The following LRRC7 variants were observed in gnomAD, a reference collection of about 807,000 sequenced individuals.
The protein encoded by LRRC7 is leucine-rich repeat-containing protein 7.
A neutral mutation model predicts 175.7 loss-of-function variants in LRRC7; 23 were observed. That is an observed-to-expected ratio of 0.13 (90% confidence interval 0.09 to 0.19). The LOEUF is 0.19. Among genes scored for constraint, LRRC7 ranks in the 10% least tolerant of loss-of-function variants. The pLI is 1.00. For missense variants in LRRC7, 1,354 were observed against 1,904.7 expected (o/e 0.71, Z 5.38); for synonymous variants, 685 against 680.9 (o/e 1.01, Z -0.09).
chr1:69,798,964 A>AT (rs1042110947), intron 4 of LRRC7, among the ~76,000 whole-genome samples: 1 of 150,984 alleles, frequency 6.6e-6, no homozygotes. Context: ...TGAAGTTGGC[A>AT]TTTTTTTTCT....
At chr1:69,677,690 T>G (rs191448541) in intron 1 of LRRC7, among the ~76,000 whole-genome samples, 9 of 152,276 alleles carry the variant, frequency 5.9e-5, no homozygotes, top group Middle Eastern at 3.4e-3. Flanking sequence ...TTCTGAATGA[T>G]GACCTTAGTT....
intron 7 of LRRC7, among the ~76,000 whole-genome samples, chr1:69,898,677 G>GCTT (rs1265525513): frequency 6.6e-5 from 10 of 152,152 alleles, no homozygotes; most frequent in African/African-American, 2.4e-4. Flanking sequence ...TGCTGCTGCT[G>GCTT]CTGCTGCTGC....
At chr1:69,963,361 A>G (rs1651329596) in intron 8 of LRRC7, among the ~76,000 whole-genome samples, 1 of 152,078 alleles carries the variant, frequency 6.6e-6, no homozygotes, top group African/African-American at 2.4e-5. Context: ...TGCAAAGACC[A>G]GATTGCAAGA....
intron 23 of LRRC7, among the ~76,000 whole-genome samples, chr1:70,059,607 A>T (rs1407515312): frequency 8.1e-6 from 1 of 123,272 alleles, no homozygotes; most frequent in African/African-American, 3.3e-5. Flanking sequence ...ATACTTTTTT[A>T]AAGATTTTTT....
chr1:69,810,326 T>C (rs1677677587), intron 4 of LRRC7, among the ~76,000 whole-genome samples: 1 of 152,108 alleles, frequency 6.6e-6, no homozygotes, highest in Admixed American at 6.6e-5. Context: ...AGAATCAATA[T>C]CATGAAAATG....
chr1:69,574,022 T>G (rs1645844143), intron 1 of LRRC7, among the ~76,000 whole-genome samples: 1 of 152,124 alleles, frequency 6.6e-6, no homozygotes, highest in Admixed American at 6.6e-5. Context: ...AAAGCATACT[T>G]AACACAAGGG....
At chr1:69,746,210 T>C (rs941839308) in intron 2 of LRRC7, among the ~76,000 whole-genome samples, 13 of 152,096 alleles carry the variant, frequency 8.5e-5, no homozygotes, top group Non-Finnish European at 1.8e-4. Flanking sequence ...TATCTCATTC[T>C]GCTTCATCTG....
intron 4 of LRRC7, among the ~76,000 whole-genome samples, chr1:69,799,129 G>A (rs1237576859): frequency 1.4e-5 from 2 of 148,140 alleles, no homozygotes; most frequent in African/African-American, 2.5e-5. Context: ...GATTATGTGG[G>A]CTACAAATAT....
chr1:70,058,444 T>C lies in LRRC7; in HGVS notation c.4230+5299T>C, dbSNP rs1021912463. Among the ~76,000 whole-genome samples, 16 of 152,318 alleles carry C rather than the reference T, an allele frequency of 1.1e-4. No homozygotes were observed. In the East Asian group the frequency reaches 3.1e-3, roughly 29 times the overall value. ...TATGAATACTTTAAGAACTGCTGTT[T>C]AAAACTTTTGCAATTGCTGAAAACA... On this transcript the variant is annotated intron_variant, in intron 23 of 26. Coordinates refer to ENST00000651989, the MANE Select transcript of LRRC7 (RefSeq NM_001370785.2).
chr1:69,685,531 A>G (rs1379910688), intron 2 of LRRC7, among the ~76,000 whole-genome samples: 1 of 152,186 alleles, frequency 6.6e-6, no homozygotes, highest in Non-Finnish European at 1.5e-5. Context: ...AAAAGAAGTT[A>G]TAAAAAAGAA....
chr1:70,025,842 G>T (rs571590845), intron 17 of LRRC7, among the ~76,000 whole-genome samples: 3 of 135,826 alleles, frequency 2.2e-5, no homozygotes, highest in South Asian at 2.7e-4. Context: ...GGGGGGGGGG[G>T]TCCTCTTTCA....
chr1:69,816,584 G>T (rs1678628627), intron 4 of LRRC7, among the ~76,000 whole-genome samples: 1 of 152,180 alleles, frequency 6.6e-6, no homozygotes. Context: ...ATTTTTGACA[G>T]TGTCCTTGTT....
At chr1:69,960,503 G>A (rs140772372) in intron 8 of LRRC7, among the ~76,000 whole-genome samples, 153 of 151,184 alleles carry the variant, frequency 1.0e-3, no homozygotes, top group South Asian at 2.3e-3. Context: ...TCTGATTTTC[G>A]TTATTTCTTC....
intron 6 of LRRC7, among the ~76,000 whole-genome samples, chr1:69,837,307 C>T (rs1024956807): frequency 6.6e-6 from 1 of 151,892 alleles, no homozygotes; most frequent in African/African-American, 2.4e-5. Context: ...TGCAGCACTT[C>T]TCCCATTGTG....
intron 2 of LRRC7, among the ~76,000 whole-genome samples, chr1:69,723,291 T>G (rs1438263945): frequency 2.0e-5 from 3 of 152,096 alleles, no homozygotes; most frequent in Non-Finnish European, 4.4e-5. Context: ...ACTTCATACG[T>G]TTTTTATATG....
intron 10 of LRRC7, 39 bp from the exon 11 acceptor site, chr1:69,994,522 C>A (rs780301961): frequency 3.6e-5 from 47 of 1,294,292 alleles, no homozygotes. Flanking sequence ...CTGTCATAAT[C>A]TGCTCTTATG....
At chr1:69,810,369 T>G (rs1677684685) in intron 4 of LRRC7, among the ~76,000 whole-genome samples, 1 of 152,154 alleles carries the variant, frequency 6.6e-6, no homozygotes, top group Non-Finnish European at 1.5e-5. Flanking sequence ...ATAGATTCAG[T>G]TCTATCCCCA....
chr1:70,002,034 T>C lies in LRRC7; in HGVS notation c.1004+7401T>C, dbSNP rs780186351. ...TATATATATGTGATAGTTGTAAATA[T>C]GTTATTTTGTAAATAACTTCATATT... On this transcript the variant is annotated intron_variant, in intron 11 of 26. Coordinates refer to ENST00000651989, the MANE Select transcript of LRRC7 (RefSeq NM_001370785.2). Among the ~76,000 whole-genome samples the C allele has an allele frequency of 1.6e-3, 250 of 152,292 alleles. 2 individuals are homozygous for C. Among genetic ancestry groups the C allele is most frequent in the Non-Finnish European group, 1.0e-3 (71 of 68,024 alleles).
chr1:70,023,382 T>C lies in LRRC7; in HGVS notation c.1794+8T>C, dbSNP rs536096093. On this transcript the variant is annotated splice_region_variant and intron_variant, in intron 17 of 26. Transcript: ENST00000651989. ...TCTCTAAGTGGCAGACAGGTAGGCC[T>C]AGGTGTCTGGGGTAGGAGAATCTCC... 3.8e-6 allele frequency: 6 copies of C among 1,564,492 alleles called. No homozygotes were observed. In the East Asian group the frequency reaches 1.1e-4, roughly 30 times the overall value.
Sources: gnomAD v4.1 joint callset for allele counts (sites outside exome capture counted in the v4.1 genomes callset) on GRCh38, gnomAD v4.1.1 for gene constraint, MANE v1.5 for transcripts, NCBI Gene and HGNC (gene_info 2026-07-23, HGNC 2026-07-21) for gene names.